Variants in ADAM20 observed in about 807,000 individuals in gnomAD.
The protein encoded by ADAM20 is disintegrin and metalloproteinase domain-containing protein 20.
For missense variants in ADAM20, 871 were observed against 883.2 expected, an observed-to-expected ratio of 0.99 and a Z score of 0.18; for synonymous variants, 305 against 310.2, an observed-to-expected ratio of 0.98 and a Z score of 0.18.
At chr14:70,564,724 G>A in the ADAM20 span, among the ~76,000 whole-genome samples, 1 of 136,852 alleles carries the variant, frequency 7.3e-6, no homozygotes, top group South Asian at 2.4e-4. Flanking sequence ...TATCAACAAA[G>A]AGATAGACGC....
chr14:70,534,146 G>T, intron 1 of ADAM20, among the ~76,000 whole-genome samples: 1 of 140,534 alleles, frequency 7.1e-6, no homozygotes, highest in African/African-American at 2.6e-5. Context: ...ACACTTAAAT[G>T]TATTAATCTT....
chr14:70,572,718 C>A, the ADAM20 span, among the ~76,000 whole-genome samples: 1 of 152,002 alleles, frequency 6.6e-6, no homozygotes, highest in Non-Finnish European at 1.5e-5. Flanking sequence ...AGACTAATAT[C>A]TATGATCTAT....
chr14:70,527,915 T>C (rs1280703713), intron 1 of ADAM20, among the ~76,000 whole-genome samples: 1 of 152,196 alleles, frequency 6.6e-6, no homozygotes, highest in Non-Finnish European at 1.5e-5. Context: ...CTAAATCATC[T>C]AAACCTTTCC....
chr14:70,564,685 C>CA, the ADAM20 span, among the ~76,000 whole-genome samples: 1 of 139,344 alleles, frequency 7.2e-6, no homozygotes, highest in Non-Finnish European at 1.6e-5. Context: ...TAAATTAAAT[C>CA]AAAAAATAAA....
At chr14:70,558,058 G>A in the ADAM20 span, among the ~76,000 whole-genome samples, 3 of 152,196 alleles carry the variant, frequency 2.0e-5, no homozygotes, top group African/African-American at 7.2e-5. Context: ...TATTAGCTCT[G>A]TGGATATACC....
At chr14:70,578,756 T>A in the ADAM20 span, among the ~76,000 whole-genome samples, 1 of 152,096 alleles carries the variant, frequency 6.6e-6, no homozygotes, top group African/African-American at 2.4e-5. Flanking sequence ...GTATATTGTG[T>A]GATGCTGAGG....
rs770840404 is a variant in ADAM20 at position 70,523,917 on chromosome 14, T to G, written c.841A>C (p.Ile281Leu). 2.5e-6 allele frequency: 4 copies of G among 1,613,868 alleles called. No homozygotes were observed. The highest frequency in any genetic ancestry group is 2.5e-6 in the Non-Finnish European group (3 of 1,179,956). Residue 281 changes from isoleucine (I) to leucine (L), a missense_variant, in exon 2 of 2, where the codon ATT (isoleucine) becomes CTT (leucine). Ile to Leu is a conservative substitution (Grantham distance 5). Coordinates refer to ENST00000256389, the MANE Select transcript of ADAM20 (RefSeq NM_003814.5). ...DLDNVLEDFS[I>L]WKNYNLNNRL... ...TTATTAAGGTTATAATTCTTCCAAA[T>G]AGAAAAGTCCTCTAAAACATTATCT...
At chr14:70,558,257 C>A in the ADAM20 span, among the ~76,000 whole-genome samples, 6 of 152,248 alleles carry the variant, frequency 3.9e-5, no homozygotes, top group Non-Finnish European at 8.8e-5. Flanking sequence ...TAGTCAAATA[C>A]AAGGATTTTG....
chr14:70,568,661 T>C, the ADAM20 span, among the ~76,000 whole-genome samples: 1 of 152,144 alleles, frequency 6.6e-6, no homozygotes, highest in East Asian at 1.9e-4. Context: ...AAAGACAAGA[T>C]AGCTGTATTA....
At chr14:70,540,053 G>A in the ADAM20 span, among the ~76,000 whole-genome samples, 4 of 152,230 alleles carry the variant, frequency 2.6e-5, no homozygotes. Flanking sequence ...ACTAATTTTT[G>A]TATTTTTAGT....
chr14:70,559,052 G>C, the ADAM20 span, among the ~76,000 whole-genome samples: 1 of 152,076 alleles, frequency 6.6e-6, no homozygotes, highest in Non-Finnish European at 1.5e-5. Context: ...TATATTCTAT[G>C]ATGCCAAAAT....
chr14:70,554,671 C>T, the ADAM20 span, among the ~76,000 whole-genome samples: 4 of 152,104 alleles, frequency 2.6e-5, no homozygotes, highest in Non-Finnish European at 5.9e-5. Flanking sequence ...ACAAATACTG[C>T]TTGATCTCTT....
At chr14:70,561,619 T>C in the ADAM20 span, among the ~76,000 whole-genome samples, 1 of 152,260 alleles carries the variant, frequency 6.6e-6, no homozygotes, top group Non-Finnish European at 1.5e-5. Context: ...AGAATGGTTT[T>C]CTGGGCAAGG....
chr14:70,558,469 T>G, the ADAM20 span, among the ~76,000 whole-genome samples: 1 of 152,118 alleles, frequency 6.6e-6, no homozygotes. Flanking sequence ...TGTGTGCCTG[T>G]GTGTTATACA....
At chr14:70,542,657 G>A in the ADAM20 span, among the ~76,000 whole-genome samples, 1 of 152,218 alleles carries the variant, frequency 6.6e-6, no homozygotes, top group Non-Finnish European at 1.5e-5. Context: ...AAAGGCCTAT[G>A]TCCAGGCATG....
Position 70,524,653 on chromosome 14 carries a change from C to T in ADAM20, c.105G>A (p.Gln35=), listed in dbSNP as rs750605319. The T allele has an allele frequency of 1.2e-6, 2 of 1,614,038 alleles. No homozygotes were observed. Among genetic ancestry groups the T allele is most frequent in the South Asian group, 2.2e-5 (2 of 91,082 alleles). The change falls in exon 2 of 2, where the codon CAG becomes CAA. Residue 35 remains glutamine, a synonymous_variant. Coordinates refer to ENST00000256389, the MANE Select transcript of ADAM20 (RefSeq NM_003814.5). ...TCACCACTTCTGGAGAAGTGAAATA[C>T]TGGGAGGGCCTGGCCTGAGAGTGGC... ...ISGHSQARPS[Q]YFTSPEVVIP... is the part of the protein sequence containing the mutation.
the ADAM20 span, among the ~76,000 whole-genome samples, chr14:70,559,752 C>T: frequency 3.3e-5 from 5 of 152,282 alleles, no homozygotes; most frequent in African/African-American, 1.2e-4. Flanking sequence ...AAAGCATACA[C>T]CCATCTCAGG....
chr14:70,526,971 T>C (rs900016580), intron 1 of ADAM20, among the ~76,000 whole-genome samples: 4 of 152,280 alleles, frequency 2.6e-5, no homozygotes, highest in Middle Eastern at 6.8e-3. Flanking sequence ...GTTGAAAATA[T>C]CAGAGGGTTT....
chr14:70,524,467 G>T lies in ADAM20; in HGVS notation c.291C>A (p.Ala97=). The change falls in exon 2 of 2, where the codon GCC becomes GCA. Residue 97 remains alanine, a synonymous_variant. Coordinates refer to ENST00000256389, the MANE Select transcript of ADAM20 (RefSeq NM_003814.5). ...LPVFTYTEQH[A]LLQDQPFIQD... Reference sequence around the variant, plus strand: ...GGATGAAGGGCTGATCCTGGAGCAGGGCATGCTGCTCTGTGTAGGTGAACA... The same window carrying T: ...GGATGAAGGGCTGATCCTGGAGCAGTGCATGCTGCTCTGTGTAGGTGAACA... The T allele has an allele frequency of 6.2e-7, 1 of 1,613,936 alleles. No homozygotes were observed. The highest frequency in any genetic ancestry group is 8.5e-7 in the Non-Finnish European group (1 of 1,179,908).
Sources: allele counts gnomAD v4.1 joint callset (sites outside exome capture counted in the v4.1 genomes callset), GRCh38; gene constraint gnomAD v4.1.1; transcripts MANE v1.5; gene names NCBI Gene and HGNC (gene_info 2026-07-23, HGNC 2026-07-21).